Variants in TPD52L1 observed in about 807,000 individuals in gnomAD.
The protein encoded by TPD52L1 is tumor protein D53.
In TPD52L1, 18 loss-of-function variants were observed where a neutral mutation model predicts 28.7. The observed-to-expected ratio is 0.63, with a 90% CI of 0.43 to 0.93. The LOEUF is 0.93. Among genes scored for constraint, TPD52L1 ranks in the 40% least tolerant of loss-of-function variants. The probability of loss-of-function intolerance (pLI) is 0.00; values close to 1 mark genes in which losing one functional copy is unlikely to be tolerated. For missense variants in TPD52L1, 203 were observed against 254.8 expected (o/e 0.80, Z 1.39); for synonymous variants, 75 against 88.8 (o/e 0.84, Z 0.88).
At chr6:125,178,452 C>T (rs1791956065) in intron 1 of TPD52L1, among the ~76,000 whole-genome samples, 1 of 151,978 alleles carries the variant, frequency 6.6e-6, no homozygotes, top group African/African-American at 2.4e-5. Flanking sequence ...GAAACCTTGT[C>T]TCTACTAAAA....
chr6:125,163,963 C>G, intron 1 of TPD52L1, among the ~76,000 whole-genome samples: 1 of 147,008 alleles, frequency 6.8e-6, no homozygotes, highest in East Asian at 2.0e-4. Flanking sequence ...ATAATAATAA[C>G]AAACTCACAA....
At chr6:125,169,766 A>G (rs771536816) in intron 1 of TPD52L1, among the ~76,000 whole-genome samples, 2 of 152,088 alleles carry the variant, frequency 1.3e-5, no homozygotes, top group Non-Finnish European at 2.9e-5. Flanking sequence ...TTCTCAACAT[A>G]GTAACCAGAG....
intron 3 of TPD52L1, among the ~76,000 whole-genome samples, chr6:125,234,051 T>C (rs1246388374): frequency 1.3e-5 from 2 of 152,192 alleles, no homozygotes; most frequent in African/African-American, 2.4e-5. Flanking sequence ...TTGACTTTCA[T>C]TGAAAAACAG....
rs1256144719 is a variant in TPD52L1 at position 125,263,774 on chromosome 6, C to G, written c.*812C>G. 4 of 152,188 alleles carry G rather than the reference C, an allele frequency of 2.6e-5. No homozygotes were observed. Among genetic ancestry groups the G allele is most frequent in the African/African-American group, 9.7e-5 (4 of 41,430 alleles). 9.4% of individuals were successfully genotyped at this position (152,188 alleles called of 1,614,324 possible). ...GCTGAGGCAGGAGGATTGCATGAGC[C>G]TAGGAGTTCGAAACTGCAGTGAGCT... is the stretch of plus-strand genomic sequence containing the variant. On this transcript the variant is annotated 3_prime_UTR_variant, in exon 7 of 7. Coordinates refer to ENST00000534000, the MANE Select transcript of TPD52L1 (RefSeq NM_003287.4).
At chr6:125,204,107 T>G (rs1793960658) in intron 1 of TPD52L1, among the ~76,000 whole-genome samples, 1 of 152,218 alleles carries the variant, frequency 6.6e-6, no homozygotes, top group Admixed American at 6.5e-5. Context: ...AACATTCTAG[T>G]GTTACCTGCA....
intron 1 of TPD52L1, among the ~76,000 whole-genome samples, chr6:125,206,072 T>C (rs1385437561): frequency 6.6e-6 from 1 of 152,228 alleles, no homozygotes; most frequent in African/African-American, 2.4e-5. Context: ...GCTCTTTCTA[T>C]AGTCAACTGA....
At chr6:125,260,936 GAAAGA>G (rs1266153426) in intron 6 of TPD52L1, 1 of 79,242 alleles carries the variant, frequency 1.3e-5, no homozygotes. Flanking sequence ...AAGAAAGAAA[GAAAGA>G]AAGAAAGAAA....
At chr6:125,177,133 A>G in intron 1 of TPD52L1, among the ~76,000 whole-genome samples, 2 of 152,358 alleles carry the variant, frequency 1.3e-5, no homozygotes, top group Middle Eastern at 6.8e-3. Context: ...GTTTTGAGAT[A>G]CATTCACCCG....
intron 4 of TPD52L1, chr6:125,252,069 C>T: frequency 6.5e-7 from 1 of 1,535,916 alleles, no homozygotes; most frequent in Non-Finnish European, 8.7e-7. Flanking sequence ...TGGGGCTTTC[C>T]CCACTCCCTT....
At chr6:125,229,336 A>G in intron 3 of TPD52L1, 70 bp downstream of exon 3, 1 of 1,445,228 alleles carries the variant, frequency 6.9e-7, no homozygotes, top group East Asian at 2.6e-5. Context: ...GTTTTGTTTC[A>G]TTTTTCCTAC....
intron 3 of TPD52L1, among the ~76,000 whole-genome samples, chr6:125,241,534 T>G: frequency 6.6e-6 from 1 of 152,116 alleles, no homozygotes; most frequent in Non-Finnish European, 1.5e-5. Flanking sequence ...TATTTCTTCC[T>G]GATTTCATCT....
chr6:125,188,056 CT>C (rs1382972761), intron 1 of TPD52L1, among the ~76,000 whole-genome samples: 2 of 151,954 alleles, frequency 1.3e-5, no homozygotes, highest in African/African-American at 4.8e-5. Context: ...AGAAGAGGTC[CT>C]GGTTTTATGG....
rs993053426 is a variant in TPD52L1 at position 125,174,461 on chromosome 6, T to G, written c.19+20491T>G. ...TGAAGATAGAAATAAATATGTAAGT[T>G]GACGGAATTTGGCTATCTGGCCTGC... is the stretch of plus-strand genomic sequence containing the variant. On this transcript the variant is annotated intron_variant, in intron 1 of 6. Transcript: ENST00000534000. Among the ~76,000 whole-genome samples the G allele has an allele frequency of 7.9e-5, 12 of 152,306 alleles. No individual in the cohort carries two copies. In the East Asian group the frequency reaches 1.7e-3, roughly 22 times the overall value.
intron 4 of TPD52L1, among the ~76,000 whole-genome samples, chr6:125,251,709 A>G (rs1797275016): frequency 6.6e-6 from 1 of 152,230 alleles, no homozygotes; most frequent in Non-Finnish European, 1.5e-5. Flanking sequence ...TAACATTGGC[A>G]TCTTCTGGGA....
chr6:125,220,424 A>G (rs1465671108), intron 2 of TPD52L1, among the ~76,000 whole-genome samples: 1 of 152,228 alleles, frequency 6.6e-6, no homozygotes, highest in Non-Finnish European at 1.5e-5. Flanking sequence ...TGCTTAAGCA[A>G]CAATAATAAC....
intron 4 of TPD52L1, chr6:125,252,178 G>A: frequency 1.1e-6 from 1 of 916,268 alleles, no homozygotes; most frequent in Non-Finnish European, 1.6e-6. Flanking sequence ...TGACCAGGAA[G>A]ATAGTTTATA....
At position 125,251,754 on chromosome 6, in the gene TPD52L1, G is replaced by C. The variant is rs374812145; in HGVS notation, c.387-1963G>C. On this transcript the variant is annotated intron_variant, in intron 4 of 6. Transcript: ENST00000534000. Reference sequence around the variant, plus strand: ...TTAATTTGTTCAAACTGATCCACTGGGGACAAAATGTTTGGAGAAGGCATG... The same window carrying C: ...TTAATTTGTTCAAACTGATCCACTGCGGACAAAATGTTTGGAGAAGGCATG... Among the ~76,000 whole-genome samples, 7 of 152,228 alleles carry C rather than the reference G, an allele frequency of 4.6e-5. No homozygotes were observed. The South Asian group carries it at 1.0e-3, about 23-fold the overall frequency.
At chr6:125,227,744 CTT>C (rs1795703325) in intron 2 of TPD52L1, among the ~76,000 whole-genome samples, 2 of 152,272 alleles carry the variant, frequency 1.3e-5, no homozygotes, top group Admixed American at 1.3e-4. Flanking sequence ...AAATCAAAGA[CTT>C]TGTGATTTAT....
intron 1 of TPD52L1, among the ~76,000 whole-genome samples, chr6:125,217,050 C>A (rs2114952149): frequency 6.6e-6 from 1 of 152,000 alleles, no homozygotes; most frequent in South Asian, 2.1e-4. Flanking sequence ...ATTATAAGTA[C>A]ACAAAAGAAT....
Sources: gnomAD v4.1 joint callset for allele counts (sites outside exome capture counted in the v4.1 genomes callset) on GRCh38, gnomAD v4.1.1 for gene constraint, MANE v1.5 for transcripts, NCBI Gene and HGNC (gene_info 2026-07-23, HGNC 2026-07-21) for gene names.